The following UGT2A2 variants were observed in gnomAD, a reference collection of about 807,000 sequenced individuals.
The protein encoded by UGT2A2 is UDP-glucuronosyltransferase 2A2.
UGT2A2 carries 60 observed loss-of-function variants against 50.7 expected under a neutral mutation model. That is an observed-to-expected ratio of 1.18 (90% confidence interval 0.96 to 1.47). The LOEUF (loss-of-function observed/expected upper bound fraction) is 1.47. Among genes scored for constraint, UGT2A2 ranks in the 40% most tolerant of loss-of-function variants. The pLI, the probability that UGT2A2 is intolerant of heterozygous loss-of-function variation, is 0.00. For synonymous variants in UGT2A2, 242 were observed against 214.6 expected (o/e 1.13, Z -1.11); for missense variants, 762 against 634.0 (o/e 1.20, Z -2.17).
intron 1 of UGT2A2, among the ~76,000 whole-genome samples, chr4:69,632,191 G>A (rs1721426271): frequency 1.3e-5 from 2 of 152,126 alleles, no homozygotes; most frequent in South Asian, 2.1e-4. Flanking sequence ...GGTTCAAGGT[G>A]TTTTGATATA....
intron 1 of UGT2A2, among the ~76,000 whole-genome samples, chr4:69,619,834 C>T (rs1446770965): frequency 6.6e-6 from 1 of 151,988 alleles, no homozygotes; most frequent in Non-Finnish European, 1.5e-5. Context: ...CTGCAGAAGG[C>T]AAGATTGGTT....
Position 69,599,381 on chromosome 4 carries a change from C to G in UGT2A2, c.756G>C (p.Thr252=). Residue 252 remains threonine, a synonymous_variant, in exon 2 of 6, where the codon ACG becomes ACC. Coordinates refer to ENST00000604629, the MANE Select transcript of UGT2A2 (RefSeq NM_001105677.2). ...CAGCTTTCCCCATAGTCTCACATAA[C>G]GTAGTGGGTCTTCCTGGAGAAAATG... ...YYSKILGRPT[T]LCETMGKAEI... is the part of the protein sequence containing the mutation. The G allele has an allele frequency of 3.7e-6, 6 of 1,613,046 alleles. No individual in the cohort carries two copies. Among genetic ancestry groups the G allele is most frequent in the South Asian group, 1.1e-5 (1 of 90,934 alleles).
chr4:69,592,756 C>T (rs938373202), intron 5 of UGT2A2, among the ~76,000 whole-genome samples: 5 of 151,584 alleles, frequency 3.3e-5, no homozygotes, highest in African/African-American at 7.3e-5. Flanking sequence ...TAAACTGGTG[C>T]TCCAGAAGTA....
rs894523773 is a variant in UGT2A2 at position 69,639,005 on chromosome 4, C to A, written c.636G>T (p.Gln212His). ...TTTTAATCCTTTCACCAAAGGTCAT[C>A]TGGTCAGTGAGCTCTGATAAGGCTG... ...VPAALSELTD[Q>H]MTFGERIKNT... Residue 212 changes from glutamine to histidine, a missense_variant, in exon 1 of 6, where the codon CAG (glutamine) becomes CAT (histidine). Physicochemically the swap from Gln to His is conservative, Grantham distance 24 (BLOSUM62 0). Coordinates refer to ENST00000604629, the MANE Select transcript of UGT2A2 (RefSeq NM_001105677.2). The A allele has an allele frequency of 6.2e-7, 1 of 1,613,250 alleles. No individual in the cohort carries two copies.
intron 1 of UGT2A2, chr4:69,599,690 AAAG>A (rs1272361304): frequency 1.5e-5 from 3 of 200,008 alleles, no homozygotes; most frequent in Non-Finnish European, 2.0e-5. Flanking sequence ...AGGTAGAAAT[AAAG>A]AAAGAGAGAG....
chr4:69,609,029 C>T lies in UGT2A2; in HGVS notation c.743-9635G>A, dbSNP rs544787404. On this transcript the variant is annotated intron_variant, in intron 1 of 5. Coordinates refer to ENST00000604629, the MANE Select transcript of UGT2A2 (RefSeq NM_001105677.2). ...ATAAAGAGTATGATTAATATATTCA[C>T]TTCCATTAAATTTAAAATCTACGAT... is the stretch of plus-strand genomic sequence containing the variant. Among the ~76,000 whole-genome samples, 5 of 152,098 alleles carry T rather than the reference C, an allele frequency of 3.3e-5. No homozygotes were observed. The South Asian group carries it at 1.0e-3, about 32-fold the overall frequency.
In UGT2A2 at chr4:69,639,008, G is replaced by T; in HGVS notation, c.633C>A (p.Asp211Glu). ...YVPAALSELT[D>E]QMTFGERIKN... ...TAATCCTTTCACCAAAGGTCATCTGGTCAGTGAGCTCTGATAAGGCTGCCG... is the reference window on the plus strand; with the variant it reads ...TAATCCTTTCACCAAAGGTCATCTGTTCAGTGAGCTCTGATAAGGCTGCCG... The change falls in exon 1 of 6, where the codon GAC becomes GAA. Residue 211 changes from aspartate to glutamate, a missense_variant. By Grantham distance (45) the Asp-to-Glu change is conservative (BLOSUM62 2). Coordinates refer to ENST00000604629, the MANE Select transcript of UGT2A2 (RefSeq NM_001105677.2). 6.2e-7 allele frequency: 1 copy of T among 1,613,222 alleles called. No individual in the cohort carries two copies.
In UGT2A2 at chr4:69,604,395, C is replaced by T. The variant is rs937021786; in HGVS notation, c.743-5001G>A. Among the ~76,000 whole-genome samples, 13 of 136,284 alleles carry T rather than the reference C, an allele frequency of 9.5e-5. 2 individuals carry two copies. The highest frequency in any genetic ancestry group is 2.1e-4 in the East Asian group (1 of 4,868). The allele number at this position is 136,284 out of a possible 152,430, so 89.4% of individuals were successfully genotyped here. ...TGAGAGATTTTGTCACCACCAGGCC[C>T]GCCCTAAAAGAGCTCCTGAAGGAAG... is the stretch of plus-strand genomic sequence containing the variant. On this transcript the variant is annotated intron_variant, in intron 1 of 5. Coordinates refer to ENST00000604629, the MANE Select transcript of UGT2A2 (RefSeq NM_001105677.2).
At chr4:69,609,451 CT>C (rs1347008625) in intron 1 of UGT2A2, among the ~76,000 whole-genome samples, 1 of 151,978 alleles carries the variant, frequency 6.6e-6, no homozygotes, top group East Asian at 1.9e-4. Context: ...ATACCTTGGC[CT>C]CCTAAAGAGC....
rs1721882513 is a variant in UGT2A2 at position 69,638,955 on chromosome 4, T to A, written c.686A>T (p.Asp229Val). The change falls in exon 1 of 6, where the codon GAC becomes GTC. Residue 229 changes from aspartate to valine, a missense_variant. Coordinates refer to ENST00000604629, the MANE Select transcript of UGT2A2 (RefSeq NM_001105677.2). ...IKNTISYSLQ[D>V]YIFQSYWGEW... is the part of the protein sequence containing the mutation. ...TCCCCAGTAGGACTGAAATATATAG[T>A]CTTGCAGAGAATAAGATATGGTATT... The A allele has an allele frequency of 6.2e-7, 1 of 1,612,710 alleles. No homozygotes were observed. The highest frequency in any genetic ancestry group is 1.1e-5 in the South Asian group (1 of 90,920).
At chr4:69,618,531 C>T (rs991766473) in intron 1 of UGT2A2, among the ~76,000 whole-genome samples, 25 of 151,698 alleles carry the variant, frequency 1.6e-4, no homozygotes, top group African/African-American at 5.6e-4. Flanking sequence ...ACCATGTGGC[C>T]GTTGAATGAG....
intron 1 of UGT2A2, among the ~76,000 whole-genome samples, chr4:69,616,833 C>CTTTTTTTTTTTTTTTTT (rs4148315): frequency 7.9e-6 from 1 of 127,300 alleles, no homozygotes; most frequent in Non-Finnish European, 1.6e-5. Context: ...ATTTTCTTTT[C>CTTTTTTTTTTTTTTTTT]TTTTTTTTTT....
rs1444886524 is a variant in UGT2A2, at chr4:69,639,287, T to A, written c.354A>T (p.Lys118Asn). The A allele has an allele frequency of 6.2e-7, 1 of 1,613,746 alleles. No homozygotes were observed. The highest frequency in any genetic ancestry group is 1.1e-5 in the South Asian group (1 of 91,044). ...AAGTGTCTAGAAGTTTTCCTAGTTCTTTGTAGAAAGCCCATATTGTGAGAG... is the reference window on the plus strand; with the variant it reads ...AAGTGTCTAGAAGTTTTCCTAGTTCATTGTAGAAAGCCCATATTGTGAGAG... ...PTPLTIWAFY[K>N]ELGKLLDTFF... Residue 118 changes from lysine to asparagine, a missense_variant, in exon 1 of 6, where the codon AAA becomes AAT. Transcript: ENST00000604629.
At chr4:69,634,684 G>A (rs1457420734) in intron 1 of UGT2A2, among the ~76,000 whole-genome samples, 1 of 152,048 alleles carries the variant, frequency 6.6e-6, no homozygotes, top group Non-Finnish European at 1.5e-5. Flanking sequence ...AATTTGAATA[G>A]ATGCAGAAAA....
chr4:69,630,170 G>A (rs563287001), intron 1 of UGT2A2, among the ~76,000 whole-genome samples: 6 of 152,076 alleles, frequency 3.9e-5, no homozygotes, highest in African/African-American at 1.4e-4. Context: ...CATTCTTGTA[G>A]ACATTTGTCT....
intron 1 of UGT2A2, among the ~76,000 whole-genome samples, chr4:69,618,281 T>C (rs1171475734): frequency 6.6e-6 from 1 of 151,024 alleles, no homozygotes; most frequent in South Asian, 2.1e-4. Flanking sequence ...ATTTGGTAAG[T>C]CTGGTTACAG....
Position 69,608,181 on chromosome 4 carries a change from C to T in UGT2A2, c.743-8787G>A, listed in dbSNP as rs781219176. On this transcript the variant is annotated intron_variant, in intron 1 of 5. Transcript: ENST00000604629. ...ACTTGGAACCAACCCAAATGTCCAA[C>T]AATGATAGACTGGATTAAGAAAATG... Among the ~76,000 whole-genome samples the T allele has an allele frequency of 8.5e-5, 13 of 152,170 alleles. No homozygotes were observed. In the East Asian group the frequency reaches 2.5e-3, roughly 29 times the overall value.
In UGT2A2 at chr4:69,606,588, G is replaced by T. The variant is rs566239428; in HGVS notation, c.743-7194C>A. On this transcript the variant is annotated intron_variant, in intron 1 of 5. Coordinates refer to ENST00000604629, the MANE Select transcript of UGT2A2 (RefSeq NM_001105677.2). The stretch of plus-strand genomic sequence containing the variant: ...TTCTGGCCAGTGCAATCAGGCAGGA[G>T]AAGGAAATAAAGGGTATTCAATTAG... Among the ~76,000 whole-genome samples the T allele has an allele frequency of 6.9e-4, 94 of 136,428 alleles. 17 individuals are homozygous for T. Among genetic ancestry groups the T allele is most frequent in the Non-Finnish European group, 1.1e-3 (73 of 64,162 alleles). 89.5% of individuals were successfully genotyped at this position (136,428 alleles called of 152,430 possible). A position where few individuals can be genotyped will look rare whatever the true frequency, so the allele number is the denominator to read the frequency against.
chr4:69,614,688 T>G (rs118038601), intron 1 of UGT2A2, among the ~76,000 whole-genome samples: 2 of 152,136 alleles, frequency 1.3e-5, no homozygotes, highest in East Asian at 3.9e-4. Context: ...AAACTACCTT[T>G]CAACAAAGCT....
Sources: allele counts gnomAD v4.1 joint callset (sites outside exome capture counted in the v4.1 genomes callset), GRCh38; gene constraint gnomAD v4.1.1; transcripts MANE v1.5; gene names NCBI Gene and HGNC (gene_info 2026-07-23, HGNC 2026-07-21).